RPS6KA2: variants seen among roughly 807,000 people sequenced by gnomAD.
RPS6KA2 encodes the protein ribosomal protein S6 kinase alpha-2.
RPS6KA2 carries 42 observed loss-of-function variants against 91.8 expected under a neutral mutation model. The ratio of observed to expected loss-of-function variants is 0.46; its 90% CI spans 0.36 to 0.59. RPS6KA2 has a LOEUF of 0.59. Among genes scored for constraint, RPS6KA2 ranks in the 20% least tolerant of loss-of-function variants. The probability of loss-of-function intolerance (pLI) is 0.00; values close to 1 mark genes in which losing one functional copy is unlikely to be tolerated. For synonymous variants in RPS6KA2, 414 were observed against 393.6 expected (o/e 1.05, Z -0.61); for missense variants, 798 against 978.5 (o/e 0.82, Z 2.46).
At chr6:166,730,711 G>C (rs1252556319) in intron 2 of RPS6KA2, among the ~76,000 whole-genome samples, 2 of 151,958 alleles carry the variant, frequency 1.3e-5, no homozygotes, top group East Asian at 3.8e-4. Context: ...AATAAATATA[G>C]GTACAAAAAG....
intron 14 of RPS6KA2, among the ~76,000 whole-genome samples, chr6:166,441,657 C>T (rs1229538408): frequency 2.0e-5 from 3 of 152,236 alleles, no homozygotes; most frequent in South Asian, 2.1e-4. Flanking sequence ...CGGCCCCGTG[C>T]GGCTCACTGC....
At chr6:166,836,183 G>C (rs6902428) in intron 2 of RPS6KA2, among the ~76,000 whole-genome samples, 103,296 of 151,608 alleles carry the variant, frequency 0.68, 35,280 homozygotes, top group Middle Eastern at 0.75. Flanking sequence ...GGAGAGACAT[G>C]GTCCTATAGT....
chr6:166,604,595 C>G (rs1785875096), intron 1 of RPS6KA2, among the ~76,000 whole-genome samples: 1 of 152,186 alleles, frequency 6.6e-6, no homozygotes, highest in African/African-American at 2.4e-5. Context: ...CGGGCCTTAC[C>G]TGAGCATCAG....
At chr6:166,566,920 C>A (rs1784522316) in intron 1 of RPS6KA2, among the ~76,000 whole-genome samples, 1 of 152,244 alleles carries the variant, frequency 6.6e-6, no homozygotes, top group Non-Finnish European at 1.5e-5. Context: ...GAGCTGGCAA[C>A]AGGGATTTTC....
At chr6:166,702,513 G>T in intron 2 of RPS6KA2, 2 of 1,506,560 alleles carry the variant, frequency 1.3e-6, no homozygotes, top group Non-Finnish European at 1.8e-6. Flanking sequence ...CTTGCTGACA[G>T]CTCTCCACCA....
rs145398762 is a variant in RPS6KA2 at position 166,648,814 on chromosome 6, C to T, written c.124-110030G>A. ...TCTGTGACTGTCCGACTCAAAACAT[C>T]GGTGCCTGGCACAGGAAGCATCTCA... On this transcript the variant is annotated intron_variant, in intron 2 of 21. Transcript: ENST00000503859. This position sits in a 1 kb window ranked among gnomAD's most constrained non-coding sequence, Gnocchi z 4.8. 1.3e-3 allele frequency among the ~76,000 whole-genome samples: 194 copies of T among 152,244 alleles called. 1 individual carries two copies. Among genetic ancestry groups the T allele is most frequent in the African/African-American group, 4.0e-3 (168 of 41,544 alleles).
intron 1 of RPS6KA2, among the ~76,000 whole-genome samples, chr6:166,561,959 G>C (rs1041083022): frequency 6.6e-6 from 1 of 152,090 alleles, no homozygotes; most frequent in Non-Finnish European, 1.5e-5. Flanking sequence ...CATATGTCAG[G>C]CACTGTGCAA....
intron 2 of RPS6KA2, among the ~76,000 whole-genome samples, chr6:166,699,759 T>C (rs1429522682): frequency 6.6e-6 from 1 of 152,230 alleles, no homozygotes; most frequent in Non-Finnish European, 1.5e-5. Context: ...AAAACTTGTC[T>C]TGTATTCTCT....
chr6:166,784,979 A>T (rs1416497522), intron 2 of RPS6KA2, among the ~76,000 whole-genome samples: 1 of 152,202 alleles, frequency 6.6e-6, no homozygotes, highest in Non-Finnish European at 1.5e-5. Context: ...ATGTCAGGAA[A>T]ATCCCCAGCT....
chr6:166,653,171 G>A (rs2206124), intron 2 of RPS6KA2, among the ~76,000 whole-genome samples: 16,500 of 152,128 alleles, frequency 0.11, 977 homozygotes, highest in South Asian at 0.17. Flanking sequence ...AGCAATTCTC[G>A]TGCCTCAGCC....
upstream of RPS6KA2, chr6:166,627,693 G>A (rs1286604762): frequency 3.9e-5 from 6 of 152,242 alleles, no homozygotes; most frequent in African/African-American, 1.4e-4. Flanking sequence ...AGCTGCTCCG[G>A]AGCCGCGCAG....
chr6:166,746,385 G>A (rs537902711), intron 2 of RPS6KA2, among the ~76,000 whole-genome samples: 1 of 152,286 alleles, frequency 6.6e-6, no homozygotes, highest in East Asian at 1.9e-4. Context: ...CCAACACTCT[G>A]ACACCATATG....
intron 2 of RPS6KA2, among the ~76,000 whole-genome samples, chr6:166,789,209 A>T (rs908692691): frequency 1.3e-5 from 2 of 152,202 alleles, no homozygotes; most frequent in African/African-American, 4.8e-5. Flanking sequence ...CCAGGAGATT[A>T]TATCCCACAC....
chr6:166,588,546 A>T (rs1441208883), intron 1 of RPS6KA2, among the ~76,000 whole-genome samples: 1 of 152,174 alleles, frequency 6.6e-6, no homozygotes, highest in African/African-American at 2.4e-5. Context: ...AGACACCAGA[A>T]TCTGGGGAAA....
intron 2 of RPS6KA2, among the ~76,000 whole-genome samples, chr6:166,831,256 G>A (rs143232671): frequency 6.6e-6 from 1 of 152,280 alleles, no homozygotes; most frequent in Non-Finnish European, 1.5e-5. Context: ...GTTCCTCAGA[G>A]GCTGCTCCAC....
intron 2 of RPS6KA2, among the ~76,000 whole-genome samples, chr6:166,638,239 C>T (rs540405681): frequency 1.3e-5 from 2 of 152,366 alleles, no homozygotes; most frequent in African/African-American, 2.4e-5. Flanking sequence ...AATCACTGTG[C>T]GCAAAATCCA....
rs944481557 is a variant in RPS6KA2, at chr6:166,563,385, T to C, written c.100-24601A>G. On this transcript the variant is annotated intron_variant, in intron 1 of 20. Transcript: ENST00000265678. This position sits in a 1 kb window ranked among gnomAD's most constrained non-coding sequence, Gnocchi z 4.1. Reference sequence around the variant, plus strand: ...TTCCCGGCTTTTCCTCCCAGTCTCCTGGGCTCGCCGCCAGCGGTGGGATCC... The same window carrying C: ...TTCCCGGCTTTTCCTCCCAGTCTCCCGGGCTCGCCGCCAGCGGTGGGATCC... 3.9e-5 allele frequency among the ~76,000 whole-genome samples: 6 copies of C among 152,210 alleles called. No individual in the cohort carries two copies. The highest frequency in any genetic ancestry group is 8.8e-5 in the Non-Finnish European group (6 of 68,024).
chr6:166,845,445 T>C (rs995104091), intron 2 of RPS6KA2, among the ~76,000 whole-genome samples: 1 of 152,134 alleles, frequency 6.6e-6, no homozygotes, highest in East Asian at 1.9e-4. Context: ...TTCTCCAAGA[T>C]AGACCATATG....
intron 2 of RPS6KA2, among the ~76,000 whole-genome samples, chr6:166,785,735 A>T (rs1778911359): frequency 6.6e-6 from 1 of 152,164 alleles, no homozygotes. Flanking sequence ...TAAGCACCAC[A>T]ATTTGCTTCC....
Sources: allele counts gnomAD v4.1 joint callset (sites outside exome capture counted in the v4.1 genomes callset), GRCh38; gene constraint gnomAD v4.1.1; non-coding constraint Gnocchi (gnomAD v3.1); transcripts MANE v1.5; gene names NCBI Gene and HGNC (gene_info 2026-07-23, HGNC 2026-07-21).